GRB14: variants seen among roughly 807,000 people sequenced by gnomAD.
The protein encoded by GRB14 is growth factor receptor-bound protein 14.
A neutral mutation model predicts 69.1 loss-of-function variants in GRB14; 38 were observed. That is an observed-to-expected ratio of 0.55 (90% CI 0.42 to 0.72). The LOEUF is 0.72. GRB14 is among the 30% of genes least tolerant of loss of function. The probability of loss-of-function intolerance (pLI) is 0.00; values close to 1 mark genes in which losing one functional copy is unlikely to be tolerated. For missense variants in GRB14, 666 were observed against 666.1 expected (o/e 1.00, Z 0.00); for synonymous variants, 247 against 241.3 (o/e 1.02, Z -0.22).
At chr2:164,584,952 G>GT (rs758845073) in intron 2 of GRB14, among the ~76,000 whole-genome samples, 353 of 150,648 alleles carry the variant, frequency 2.3e-3, no homozygotes, top group Middle Eastern at 7.0e-3. Context: ...TGTTTTTGTG[G>GT]TTTTTTTGAG....
intron 2 of GRB14, among the ~76,000 whole-genome samples, chr2:164,584,861 T>C (rs1365824364): frequency 1.3e-5 from 2 of 152,104 alleles, no homozygotes; most frequent in East Asian, 1.9e-4. Flanking sequence ...AATTTAAAGA[T>C]TGGATTGTTC....
chr2:164,616,286 C>T (rs1690291812), intron 2 of GRB14, among the ~76,000 whole-genome samples: 1 of 151,770 alleles, frequency 6.6e-6, no homozygotes, highest in Non-Finnish European at 1.5e-5. Flanking sequence ...ATTAGCTGGG[C>T]GTGGTGGCAG....
chr2:164,508,988 GA>G, intron 6 of GRB14, 136 bp from the exon 7 acceptor site: 1 of 442,408 alleles, frequency 2.3e-6, no homozygotes, highest in Non-Finnish European at 3.9e-6. Flanking sequence ...AATAAAAGGA[GA>G]AAAAAAATCT....
intron 13 of GRB14, among the ~76,000 whole-genome samples, chr2:164,494,178 A>G (rs1369041014): frequency 6.6e-6 from 1 of 152,222 alleles, no homozygotes; most frequent in East Asian, 1.9e-4. Context: ...TGGGGTCTAT[A>G]CAATATTGCT....
Position 164,615,583 on chromosome 2 carries a change from T to C in GRB14, c.324+4104A>G, listed in dbSNP as rs542402648. Among the ~76,000 whole-genome samples the C allele has an allele frequency of 2.0e-5, 3 of 152,318 alleles. No homozygotes were observed. In the South Asian group the frequency reaches 6.2e-4, roughly 32 times the overall value. On this transcript the variant is annotated intron_variant, in intron 2 of 13. Transcript: ENST00000263915. ...AGCCTCAAGAAATCCAGATTTCAGGTGCTGGCTGTGCCACATAGCATTCCT... is the reference window on the plus strand; with the variant it reads ...AGCCTCAAGAAATCCAGATTTCAGGCGCTGGCTGTGCCACATAGCATTCCT...
intron 3 of GRB14, among the ~76,000 whole-genome samples, chr2:164,543,992 A>G (rs1574291509): frequency 6.6e-6 from 1 of 152,182 alleles, no homozygotes; most frequent in East Asian, 1.9e-4. Flanking sequence ...AATGTTTTCA[A>G]TTGTTCTGTT....
At chr2:164,593,011 ATTACT>A (rs1689704076) in intron 2 of GRB14, among the ~76,000 whole-genome samples, 1 of 152,244 alleles carries the variant, frequency 6.6e-6, no homozygotes, top group Non-Finnish European at 1.5e-5. Flanking sequence ...GTTAATACAA[ATTACT>A]TTATGTTACA....
At chr2:164,607,623 T>A (rs1232446564) in intron 2 of GRB14, among the ~76,000 whole-genome samples, 2 of 152,200 alleles carry the variant, frequency 1.3e-5, no homozygotes, top group African/African-American at 4.8e-5. Flanking sequence ...AAGGACCTCA[T>A]ATAATACAAC....
intron 2 of GRB14, among the ~76,000 whole-genome samples, chr2:164,596,895 C>A (rs72874866): frequency 0.44 from 67,062 of 151,790 alleles, 18,073 homozygotes; most frequent in Admixed American, 0.58. Flanking sequence ...CATTTGTCAT[C>A]AAAAAACCAG....
chr2:164,607,995 T>G (rs751948955), intron 2 of GRB14, among the ~76,000 whole-genome samples: 24 of 152,204 alleles, frequency 1.6e-4, no homozygotes, highest in Non-Finnish European at 3.2e-4. Flanking sequence ...AATTGGAAAG[T>G]TAATCCTCAC....
Position 164,508,835 on chromosome 2 carries a change from C to G in GRB14, c.834G>C (p.Gln278His), listed in dbSNP as rs1214029540. 8 of 1,576,810 alleles carry G rather than the reference C, an allele frequency of 5.1e-6. No individual in the cohort carries two copies. The highest frequency in any genetic ancestry group is 2.0e-5 in the Admixed American group (1 of 49,634). Residue 278 changes from glutamine (Q) to histidine (H), a missense_variant, in exon 7 of 14, where the codon CAG becomes CAC. By Grantham distance (24) the Gln-to-His change is conservative (BLOSUM62 0). Transcript: ENST00000263915. ...KGTSKEPRHL[Q>H]FFSEFGNSDI... The stretch of plus-strand genomic sequence containing the variant: ...CACTATTGCCAAATTCGCTGAAAAA[C>G]TGCAAATGCCGCGGTTCCTTAAAAA...
At chr2:164,556,216 C>T (rs1363307483) in intron 2 of GRB14, among the ~76,000 whole-genome samples, 1 of 152,126 alleles carries the variant, frequency 6.6e-6, no homozygotes, top group East Asian at 1.9e-4. Context: ...CCAAAAGACC[C>T]TAACAGCTCA....
intron 2 of GRB14, among the ~76,000 whole-genome samples, chr2:164,548,642 T>A (rs1257792486): frequency 2.0e-5 from 3 of 152,200 alleles, no homozygotes; most frequent in African/African-American, 7.2e-5. Flanking sequence ...CCATACTGTT[T>A]TTCAGAATGA....
intron 2 of GRB14, among the ~76,000 whole-genome samples, chr2:164,565,981 A>G (rs1248659219): frequency 6.6e-6 from 1 of 152,160 alleles, no homozygotes; most frequent in African/African-American, 2.4e-5. Flanking sequence ...CCCTATTGCT[A>G]CGGAGCATTT....
At chr2:164,532,648 A>G (rs958204161) in intron 3 of GRB14, among the ~76,000 whole-genome samples, 6 of 152,208 alleles carry the variant, frequency 3.9e-5, no homozygotes, top group Non-Finnish European at 7.3e-5. Context: ...TCACAAGCCA[A>G]GGAATGCTAG....
intron 6 of GRB14, among the ~76,000 whole-genome samples, chr2:164,514,084 A>G (rs1261994091): frequency 3.3e-5 from 5 of 152,246 alleles, no homozygotes; most frequent in Admixed American, 3.3e-4. Flanking sequence ...AAGCATGTAG[A>G]CAAATATATC....
chr2:164,620,221 T>C (rs1690422683), intron 1 of GRB14, among the ~76,000 whole-genome samples: 1 of 152,194 alleles, frequency 6.6e-6, no homozygotes, highest in Non-Finnish European at 1.5e-5. Flanking sequence ...TACATTGTTA[T>C]GCATCCATGA....
chr2:164,564,482 T>C (rs1024089637), intron 2 of GRB14, among the ~76,000 whole-genome samples: 4 of 152,250 alleles, frequency 2.6e-5, no homozygotes, highest in Admixed American at 2.0e-4. Flanking sequence ...GATTATAACA[T>C]GAACTATTCT....
intron 2 of GRB14, among the ~76,000 whole-genome samples, chr2:164,580,797 T>C (rs959749475): frequency 5.3e-5 from 8 of 152,192 alleles, no homozygotes; most frequent in African/African-American, 1.7e-4. Context: ...AGTCATCTTT[T>C]GTAACTCAGC....
Sources: allele counts gnomAD v4.1 joint callset (sites outside exome capture counted in the v4.1 genomes callset), GRCh38; gene constraint gnomAD v4.1.1; transcripts MANE v1.5; gene names NCBI Gene and HGNC (gene_info 2026-07-23, HGNC 2026-07-21).